Variants in XKR9 observed in about 807,000 individuals in gnomAD.
XKR9 encodes the protein XK-related protein 9.
A neutral mutation model predicts 32.0 loss-of-function variants in XKR9; 32 were observed. The ratio of observed to expected loss-of-function variants is 1.00; its 90% CI spans 0.76 to 1.34. The LOEUF (loss-of-function observed/expected upper bound fraction) is 1.34, where lower values mean the gene tolerates loss of function less well. Among genes scored for constraint, XKR9 ranks in the 40% most tolerant of loss-of-function variants. The pLI is 0.00. For synonymous variants in XKR9, 168 were observed against 143.4 expected (o/e 1.17, Z -1.22); for missense variants, 546 against 429.7 (o/e 1.27, Z -2.39).
At chr8:70,675,636 C>T (rs1039330609) in intron 2 of XKR9, among the ~76,000 whole-genome samples, 1 of 152,176 alleles carries the variant, frequency 6.6e-6, no homozygotes, top group Admixed American at 6.5e-5. Flanking sequence ...GCCAGGTACC[C>T]TAAATCATCA....
chr8:70,682,919 A>G (rs564928509), intron 3 of XKR9, among the ~76,000 whole-genome samples: 13 of 152,322 alleles, frequency 8.5e-5, no homozygotes, highest in Admixed American at 3.9e-4. Context: ...GTGAGTTCAT[A>G]CAAAGCTGCT....
the XKR9 span, among the ~76,000 whole-genome samples, chr8:70,965,561 T>C: frequency 6.6e-6 from 1 of 152,236 alleles, no homozygotes; most frequent in African/African-American, 2.4e-5. Flanking sequence ...AGAATTTAGC[T>C]GTAAATCTGT....
chr8:70,784,918 G>T (rs563583329), intron 2 of XKR9, among the ~76,000 whole-genome samples: 1 of 151,462 alleles, frequency 6.6e-6, no homozygotes, highest in East Asian at 1.9e-4. Context: ...ATGAAAGGAT[G>T]TCGAATTTAA....
chr8:70,823,163 G>A, the XKR9 span, among the ~76,000 whole-genome samples: 1 of 152,192 alleles, frequency 6.6e-6, no homozygotes, highest in Non-Finnish European at 1.5e-5. Context: ...TAATGGTCCG[G>A]AGTTGTTGAC....
At position 70,734,077 on chromosome 8, in the gene XKR9, A is replaced by C. The variant is rs1312599160; in HGVS notation, c.775A>C (p.Met259Leu). Residue 259 changes from methionine (M) to leucine (L), a missense_variant, in exon 5 of 5, where the codon ATG becomes CTG. Physicochemically the swap from Met to Leu is conservative, Grantham distance 15. Transcript: ENST00000408926. ...CACCCAGTTTTGTACTTGTATAAGT[A>C]TGGAATTCTTATATAGGATTGTTGT... ...NNTQFCTCIS[M>L]EFLYRIVVGF... 1 of 1,612,996 alleles carries C rather than the reference A, an allele frequency of 6.2e-7. No individual in the cohort carries two copies. Among genetic ancestry groups the C allele is most frequent in the South Asian group, 1.1e-5 (1 of 91,002 alleles).
At chr8:71,054,908 G>C in the XKR9 span, among the ~76,000 whole-genome samples, 1 of 152,080 alleles carries the variant, frequency 6.6e-6, no homozygotes, top group Non-Finnish European at 1.5e-5. Context: ...TCCAGCTGGG[G>C]ATGTTTCTCA....
chr8:70,800,739 GC>G, the XKR9 span, among the ~76,000 whole-genome samples: 13 of 152,178 alleles, frequency 8.5e-5, no homozygotes, highest in African/African-American at 3.1e-4. Flanking sequence ...GCCCGCCTCA[GC>G]CTCCCGAAGT....
At chr8:70,906,475 C>T in the XKR9 span, among the ~76,000 whole-genome samples, 1 of 152,304 alleles carries the variant, frequency 6.6e-6, no homozygotes, top group East Asian at 1.9e-4. Context: ...TCTGTCCATG[C>T]ATGTGTCCCT....
the XKR9 span, among the ~76,000 whole-genome samples, chr8:70,816,250 C>T: frequency 0.13 from 19,774 of 152,128 alleles, 1,686 homozygotes; most frequent in African/African-American, 0.24. Flanking sequence ...ATTGAAAGGA[C>T]AACCTTTTCA....
At chr8:70,793,292 G>T (rs1265347728), downstream of XKR9, among the ~76,000 whole-genome samples, 1 of 152,024 alleles carries the variant, frequency 6.6e-6, no homozygotes, top group Non-Finnish European at 1.5e-5. Context: ...GAGAGGTGAG[G>T]TCATTAAGAA....
At chr8:70,725,990 A>T (rs1056226325) in intron 4 of XKR9, among the ~76,000 whole-genome samples, 1 of 152,186 alleles carries the variant, frequency 6.6e-6, no homozygotes, top group Non-Finnish European at 1.5e-5. Flanking sequence ...TGGATTTTAC[A>T]TTTTCTTTCT....
chr8:70,709,487 G>A (rs537576386), intron 4 of XKR9, among the ~76,000 whole-genome samples: 2 of 152,118 alleles, frequency 1.3e-5, no homozygotes, highest in Non-Finnish European at 2.9e-5. Context: ...AAAGGCATTC[G>A]AATAGGAAGA....
chr8:70,692,385 C>G (rs113677605), intron 3 of XKR9, among the ~76,000 whole-genome samples: 24 of 148,808 alleles, frequency 1.6e-4, no homozygotes, highest in African/African-American at 5.8e-4. Context: ...GACTCCTGCT[C>G]TTAGTATTTG....
chr8:70,703,521 C>T (rs867642823), intron 3 of XKR9, among the ~76,000 whole-genome samples: 1 of 152,090 alleles, frequency 6.6e-6, no homozygotes, highest in South Asian at 2.1e-4. Context: ...TTTATAAGCA[C>T]ACTAATGCCA....
the XKR9 span, among the ~76,000 whole-genome samples, chr8:71,030,043 G>A: frequency 6.6e-6 from 1 of 151,866 alleles, no homozygotes; most frequent in African/African-American, 2.4e-5. Context: ...AAATCTTCAT[G>A]AATAGGACAC....
chr8:70,846,683 G>GA, the XKR9 span, among the ~76,000 whole-genome samples: 4 of 151,836 alleles, frequency 2.6e-5, no homozygotes, highest in African/African-American at 9.7e-5. Context: ...CAAAGAGATG[G>GA]AAAAAGATGT....
chr8:70,719,792 T>C (rs1474579195), intron 4 of XKR9, among the ~76,000 whole-genome samples: 2 of 152,156 alleles, frequency 1.3e-5, no homozygotes, highest in Non-Finnish European at 2.9e-5. Flanking sequence ...TTTAATTCCA[T>C]ATTAAATTTC....
chr8:70,791,630 T>C (rs902348806), downstream of XKR9, among the ~76,000 whole-genome samples: 20 of 151,972 alleles, frequency 1.3e-4, no homozygotes, highest in African/African-American at 3.6e-4. Context: ...TCTCTTTTAC[T>C]CTCTTTACCC....
chr8:70,991,433 G>A, the XKR9 span, among the ~76,000 whole-genome samples: 2 of 152,052 alleles, frequency 1.3e-5, no homozygotes, highest in Non-Finnish European at 1.5e-5. Flanking sequence ...TGTGAAATGG[G>A]GAATTATATG....
Sources: allele counts gnomAD v4.1 joint callset (sites outside exome capture counted in the v4.1 genomes callset), GRCh38; gene constraint gnomAD v4.1.1; transcripts MANE v1.5; gene names NCBI Gene and HGNC (gene_info 2026-07-23, HGNC 2026-07-21).